The following GABRB2 variants were observed in gnomAD, a reference collection of about 807,000 sequenced individuals.
GABRB2 encodes the protein gamma-aminobutyric acid type A receptor subunit beta2, also known as gamma-aminobutyric acid receptor subunit beta-2.
GABRB2 carries 16 observed loss-of-function variants against 54.7 expected under a neutral mutation model. The ratio of observed to expected loss-of-function variants is 0.29; its 90% CI spans 0.20 to 0.44. The LOEUF is 0.44. Among genes scored for constraint, GABRB2 ranks in the 20% least tolerant of loss-of-function variants. The pLI, the probability that GABRB2 is intolerant of heterozygous loss-of-function variation, is 1.00. For synonymous variants in GABRB2, 244 were observed against 233.8 expected (o/e 1.04, Z -0.40); for missense variants, 355 against 644.0 (o/e 0.55, Z 4.86).
At chr5:161,375,677 T>C (rs1580929776) in intron 5 of GABRB2, among the ~76,000 whole-genome samples, 1 of 152,222 alleles carries the variant, frequency 6.6e-6, no homozygotes, top group African/African-American at 2.4e-5. Context: ...TTAGAATAAC[T>C]ATTACTTCAG....
chr5:161,343,218 A>T (rs1383075499), intron 5 of GABRB2, among the ~76,000 whole-genome samples: 5 of 150,402 alleles, frequency 3.3e-5, no homozygotes, highest in African/African-American at 9.8e-5. Flanking sequence ...CTAGACACAC[A>T]TTTTTTTTTG....
rs1757179758 is a variant in GABRB2, at chr5:161,289,514, T to A, written c.*4567A>T. The A allele has an allele frequency of 6.6e-6, 1 of 152,134 alleles. No individual in the cohort carries two copies. The highest frequency in any genetic ancestry group is 1.5e-5 in the Non-Finnish European group (1 of 67,998). The allele number at this position is 152,134 out of a possible 1,614,324, so 9.4% of individuals were successfully genotyped here. On this transcript the variant is annotated 3_prime_UTR_variant, in exon 10 of 10. Transcript: ENST00000393959. ...TTCTAGTGTATATTGTGTAACACAT[T>A]TCTGGAGCTGGTAGGAATAACCATT...
At chr5:161,467,704 A>G (rs142774540) in intron 3 of GABRB2, among the ~76,000 whole-genome samples, 137 of 152,124 alleles carry the variant, frequency 9.0e-4, no homozygotes, top group Non-Finnish European at 1.7e-3. Flanking sequence ...TTAAAAACTT[A>G]TTTTTTTCCA....
At chr5:161,332,025 G>T (rs377583019) in intron 7 of GABRB2, among the ~76,000 whole-genome samples, 5 of 151,984 alleles carry the variant, frequency 3.3e-5, no homozygotes, top group African/African-American at 1.2e-4. Context: ...AATTAGCCGG[G>T]CGTGATGGCG....
upstream of GABRB2, among the ~76,000 whole-genome samples, chr5:161,547,702 G>C (rs1308450256): frequency 6.6e-6 from 1 of 152,096 alleles, no homozygotes; most frequent in Admixed American, 6.5e-5. Flanking sequence ...AGGCGTGAGG[G>C]ATGCGGGTGA....
At chr5:161,297,936 C>T (rs558498155) in intron 9 of GABRB2, among the ~76,000 whole-genome samples, 1 of 152,298 alleles carries the variant, frequency 6.6e-6, no homozygotes, top group Non-Finnish European at 1.5e-5. Context: ...ACATCCTCTC[C>T]AGCATCTGTT....
intron 5 of GABRB2, among the ~76,000 whole-genome samples, chr5:161,362,807 G>A (rs1249857706): frequency 3.9e-5 from 6 of 152,282 alleles, no homozygotes; most frequent in Non-Finnish European, 7.4e-5. Context: ...TTAGAGAAAT[G>A]TAAATCAAAA....
chr5:161,534,967 A>T (rs1406997141), intron 3 of GABRB2, among the ~76,000 whole-genome samples: 2 of 152,216 alleles, frequency 1.3e-5, no homozygotes, highest in Non-Finnish European at 2.9e-5. Context: ...TATAGTGCCC[A>T]CACATATCCT....
At chr5:161,332,873 A>G (rs1354628277) in intron 7 of GABRB2, among the ~76,000 whole-genome samples, 1 of 151,988 alleles carries the variant, frequency 6.6e-6, no homozygotes, top group African/African-American at 2.4e-5. Context: ...TGAGCATTTG[A>G]TTCTGAGCAC....
Position 161,366,790 on chromosome 5 carries a change from T to C in GABRB2, c.542-30021A>G, listed in dbSNP as rs146424870. 5.3e-4 allele frequency among the ~76,000 whole-genome samples: 80 copies of C among 152,070 alleles called. 1 individual carries two copies. The East Asian group carries it at 0.011, about 21-fold the overall frequency. On this transcript the variant is annotated intron_variant, in intron 5 of 9. Transcript: ENST00000393959. Reference sequence around the variant, plus strand: ...GCAAAACCCCGTCTCTACTAATAAATACAAAAATTAAGTAGGCGTGGTGGC... The same window carrying C: ...GCAAAACCCCGTCTCTACTAATAAACACAAAAATTAAGTAGGCGTGGTGGC...
chr5:161,459,973 C>G, intron 3 of GABRB2, 129 bp from the exon 4 acceptor site: 2 of 580,410 alleles, frequency 3.4e-6, no homozygotes, highest in Non-Finnish European at 5.9e-6. Flanking sequence ...GAGACAGGGT[C>G]TCACTCTGTC....
At chr5:161,502,437 C>T (rs945432025) in intron 3 of GABRB2, among the ~76,000 whole-genome samples, 25 of 151,966 alleles carry the variant, frequency 1.6e-4, no homozygotes, top group East Asian at 3.9e-4. Context: ...ATGAGCAATA[C>T]GAGATGAAAA....
intron 3 of GABRB2, among the ~76,000 whole-genome samples, chr5:161,483,623 C>A (rs150645280): frequency 6.6e-6 from 1 of 151,846 alleles, no homozygotes; most frequent in East Asian, 1.9e-4. Context: ...TTCAGAAAGG[C>A]CTACTGTTAA....
intron 3 of GABRB2, among the ~76,000 whole-genome samples, chr5:161,483,423 A>C (rs893197078): frequency 2.0e-5 from 3 of 152,010 alleles, no homozygotes; most frequent in African/African-American, 7.2e-5. Flanking sequence ...GTTATTTAAA[A>C]ATTAAGATGA....
intron 4 of GABRB2, among the ~76,000 whole-genome samples, chr5:161,458,396 G>A (rs1242999921): frequency 6.6e-6 from 1 of 152,120 alleles, no homozygotes; most frequent in African/African-American, 2.4e-5. Flanking sequence ...TTGCCACAGA[G>A]TACAAATGTG....
chr5:161,463,235 A>G (rs2962419), intron 3 of GABRB2, among the ~76,000 whole-genome samples: 84,588 of 151,004 alleles, frequency 0.56, 25,411 homozygotes, highest in South Asian at 0.67. Flanking sequence ...AAGTGTGAGA[A>G]ATACTACTAT....
chr5:161,323,717 T>C (rs933984314), intron 9 of GABRB2, among the ~76,000 whole-genome samples: 6 of 152,178 alleles, frequency 3.9e-5, no homozygotes, highest in Admixed American at 2.0e-4. Flanking sequence ...CTTATCACAA[T>C]TGGACCAAGT....
chr5:161,455,557 G>C (rs1757927749), intron 4 of GABRB2, among the ~76,000 whole-genome samples: 1 of 147,972 alleles, frequency 6.8e-6, no homozygotes. Flanking sequence ...TTGAGACAGG[G>C]TACGGCTCTG....
chr5:161,481,748 C>T (rs1368920983), intron 3 of GABRB2, among the ~76,000 whole-genome samples: 1 of 151,860 alleles, frequency 6.6e-6, no homozygotes, highest in Non-Finnish European at 1.5e-5. Context: ...TACATCTTGA[C>T]CCACAAGCTT....
Sources: allele counts gnomAD v4.1 joint callset (sites outside exome capture counted in the v4.1 genomes callset), GRCh38; gene constraint gnomAD v4.1.1; transcripts MANE v1.5; gene names NCBI Gene and HGNC (gene_info 2026-07-23, HGNC 2026-07-21).